The following TGFB2 variants were observed in gnomAD, a reference collection of about 807,000 sequenced individuals.
TGFB2 encodes the protein transforming growth factor beta-2 proprotein.
In TGFB2, 13 loss-of-function variants were observed where a neutral mutation model predicts 42.7. The observed-to-expected ratio is 0.30, with a 90% confidence interval of 0.20 to 0.48. The LOEUF is 0.48. Ranked by LOEUF, TGFB2 falls within the 20% of genes least tolerant of loss-of-function variation. The pLI is 0.99. For synonymous variants in TGFB2, 193 were observed against 193.6 expected, an observed-to-expected ratio of 1.00 and a Z score of 0.03; for missense variants, 390 against 517.5, an observed-to-expected ratio of 0.75 and a Z score of 2.39.
chr1:218,377,488 G>A (rs1371161045), intron 1 of TGFB2, among the ~76,000 whole-genome samples: 1 of 152,156 alleles, frequency 6.6e-6, no homozygotes, highest in Non-Finnish European at 1.5e-5. Context: ...AAAAACCCCA[G>A]TAAAATGTGG....
chr1:218,347,934 T>A (rs1236426509), intron 1 of TGFB2, among the ~76,000 whole-genome samples: 1 of 112,028 alleles, frequency 8.9e-6, no homozygotes. Context: ...GACAGCCGTA[T>A]TTTTTTTTTT....
At chr1:218,411,306 T>C (rs1251217967) in intron 2 of TGFB2, among the ~76,000 whole-genome samples, 1 of 152,196 alleles carries the variant, frequency 6.6e-6, no homozygotes, top group African/African-American at 2.4e-5. Flanking sequence ...TCATCAGAGC[T>C]TGGCTGGATA....
At chr1:218,370,989 A>G (rs2102554113) in intron 1 of TGFB2, among the ~76,000 whole-genome samples, 1 of 152,102 alleles carries the variant, frequency 6.6e-6, no homozygotes, top group East Asian at 1.9e-4. Flanking sequence ...GAACAGGGAA[A>G]GGTTTCGCCC....
intron 5 of TGFB2, among the ~76,000 whole-genome samples, chr1:218,437,090 G>T (rs998195841): frequency 1.3e-5 from 2 of 152,142 alleles, no homozygotes; most frequent in Admixed American, 6.5e-5. Context: ...CCAGGTCACA[G>T]ACAAGGAAGT....
chr1:218,433,721 T>C (rs1273637691), intron 2 of TGFB2, among the ~76,000 whole-genome samples: 1 of 152,146 alleles, frequency 6.6e-6, no homozygotes, highest in African/African-American at 2.4e-5. Context: ...CCAAATTAAA[T>C]AAGTAGGGAA....
intron 6 of TGFB2, among the ~76,000 whole-genome samples, chr1:218,440,820 G>C (rs907138052): frequency 6.6e-6 from 1 of 152,190 alleles, no homozygotes; most frequent in Admixed American, 6.5e-5. Flanking sequence ...TTACAGAGTA[G>C]TGTAGAAATA....
intron 1 of TGFB2, among the ~76,000 whole-genome samples, chr1:218,352,255 T>C (rs1558223104): frequency 6.6e-6 from 1 of 151,994 alleles, no homozygotes; most frequent in Non-Finnish European, 1.5e-5. Flanking sequence ...ACTGATGGGC[T>C]CCCGGAGAGA....
intron 1 of TGFB2, among the ~76,000 whole-genome samples, chr1:218,382,233 GTAGAAAAAATATCTTGCCCAGAGGCCC>G (rs1657989933): frequency 6.6e-6 from 1 of 152,202 alleles, no homozygotes; most frequent in African/African-American, 2.4e-5. Flanking sequence ...GGAAATATAA[GTAGAAAAAATATCTTGCCCAGAGGCCC>G]CTGGCAAGAG....
intron 1 of TGFB2, among the ~76,000 whole-genome samples, chr1:218,357,436 G>T (rs980535008): frequency 3.3e-5 from 5 of 152,184 alleles, no homozygotes; most frequent in African/African-American, 1.2e-4. Flanking sequence ...CTTCAGTGAT[G>T]TGGAAAAACA....
chr1:218,400,976 T>C (rs1339957920), intron 1 of TGFB2, among the ~76,000 whole-genome samples: 1 of 152,202 alleles, frequency 6.6e-6, no homozygotes. Context: ...CCTCTGTGCA[T>C]GCTCCATTGT....
intron 2 of TGFB2, among the ~76,000 whole-genome samples, chr1:218,408,544 T>C (rs1658989727): frequency 6.6e-6 from 1 of 152,184 alleles, no homozygotes; most frequent in South Asian, 2.1e-4. Context: ...TTTCTGGGGC[T>C]CAGCTATACA....
intron 2 of TGFB2, among the ~76,000 whole-genome samples, chr1:218,417,617 A>G (rs982422493): frequency 9.9e-5 from 15 of 152,214 alleles, no homozygotes; most frequent in African/African-American, 3.6e-4. Context: ...CCCCAAGACA[A>G]TGGGAAAAAT....
Position 218,402,907 on chromosome 1 carries a change from C to T in TGFB2, c.347-2262C>T, listed in dbSNP as rs572609830. Among the ~76,000 whole-genome samples the T allele has an allele frequency of 1.5e-4, 23 of 152,374 alleles. No homozygotes were observed. The South Asian group carries it at 4.3e-3, about 29-fold the overall frequency. ...CAATGCCAGAAAGCCTGGCCCCAGACTGGCCTAGGCTTCTCTGGTTGTCTG... is the reference window on the plus strand; with the variant it reads ...CAATGCCAGAAAGCCTGGCCCCAGATTGGCCTAGGCTTCTCTGGTTGTCTG... On this transcript the variant is annotated intron_variant, in intron 1 of 6. Transcript: ENST00000366930.
chr1:218,399,202 G>A (rs1217667244), intron 1 of TGFB2, among the ~76,000 whole-genome samples: 4 of 152,174 alleles, frequency 2.6e-5, no homozygotes, highest in Admixed American at 1.3e-4. Flanking sequence ...AACAATTTTA[G>A]ACTCACAAGA....
intron 2 of TGFB2, among the ~76,000 whole-genome samples, chr1:218,423,400 G>A (rs149705348): frequency 2.0e-5 from 3 of 152,262 alleles, no homozygotes; most frequent in Non-Finnish European, 4.4e-5. Flanking sequence ...AGCAAATCCC[G>A]TAGCATTGCA....
In TGFB2 at chr1:218,367,291, G is replaced by A. The variant is rs534314297; in HGVS notation, c.346+20244G>A. Reference sequence around the variant, plus strand: ...GTTCTGAGACATTCCATGGGGTAAGGACCTAGCAAACAATGGAATGTAAAC... The same window carrying A: ...GTTCTGAGACATTCCATGGGGTAAGAACCTAGCAAACAATGGAATGTAAAC... On this transcript the variant is annotated intron_variant, in intron 1 of 6. Coordinates refer to ENST00000366930, the MANE Select transcript of TGFB2 (RefSeq NM_003238.6). 4.2e-4 allele frequency among the ~76,000 whole-genome samples: 64 copies of A among 152,258 alleles called. No individual in the cohort carries two copies. The South Asian group carries it at 5.0e-3, about 12-fold the overall frequency.
intron 1 of TGFB2, among the ~76,000 whole-genome samples, chr1:218,394,100 G>A (rs149147748): frequency 0.032 from 4,877 of 152,006 alleles, 145 homozygotes; most frequent in South Asian, 0.079. Context: ...TAGTAGAGAC[G>A]GGGTTTCACT....
chr1:218,401,968 C>T (rs1658736707), intron 1 of TGFB2, among the ~76,000 whole-genome samples: 1 of 152,208 alleles, frequency 6.6e-6, no homozygotes, highest in Admixed American at 6.5e-5. Flanking sequence ...AGACATTTGG[C>T]CAGTTGCTCA....
chr1:218,397,739 A>G (rs1658573208), intron 1 of TGFB2, among the ~76,000 whole-genome samples: 1 of 152,218 alleles, frequency 6.6e-6, no homozygotes, highest in Non-Finnish European at 1.5e-5. Context: ...AGACTGTTAT[A>G]TAGGATCCAT....
Sources: allele counts gnomAD v4.1 joint callset (sites outside exome capture counted in the v4.1 genomes callset), GRCh38; gene constraint gnomAD v4.1.1; transcripts MANE v1.5; gene names NCBI Gene and HGNC (gene_info 2026-07-23, HGNC 2026-07-21).